Variants in SLIT2 observed in about 807,000 individuals in gnomAD.
SLIT2 encodes the protein slit homolog 2 protein.
In SLIT2, 41 loss-of-function variants were observed where a neutral mutation model predicts 185.7. The ratio of observed to expected loss-of-function variants is 0.22; its 90% CI spans 0.17 to 0.29. SLIT2 has a LOEUF of 0.29. SLIT2 is among the 10% of genes least tolerant of loss of function. The pLI is 1.00. For missense variants in SLIT2, 1,571 were observed against 1,909.0 expected (o/e 0.82, Z 3.30); for synonymous variants, 693 against 680.2 (o/e 1.02, Z -0.29).
intron 5 of SLIT2, among the ~76,000 whole-genome samples, chr4:20,477,902 G>T (rs570210348): frequency 1.3e-5 from 2 of 152,286 alleles, no homozygotes; most frequent in Admixed American, 6.5e-5. Context: ...TGTCACTAAA[G>T]GTATGGCAGA....
chr4:20,408,446 G>A (rs1181888419), intron 4 of SLIT2, among the ~76,000 whole-genome samples: 2 of 152,036 alleles, frequency 1.3e-5, no homozygotes, highest in African/African-American at 2.4e-5. Flanking sequence ...CTAGGTGAAA[G>A]CTTGAGAGTT....
At chr4:20,417,317 C>T (rs1308759578) in intron 4 of SLIT2, among the ~76,000 whole-genome samples, 1 of 151,438 alleles carries the variant, frequency 6.6e-6, no homozygotes, top group Non-Finnish European at 1.5e-5. Flanking sequence ...TAATGTATTT[C>T]CTACCCCTCT....
chr4:20,284,984 A>T (rs530730112), intron 4 of SLIT2, among the ~76,000 whole-genome samples: 1 of 152,320 alleles, frequency 6.6e-6, no homozygotes, highest in South Asian at 2.1e-4. Flanking sequence ...TTGCCATTCT[A>T]GGGCATGTAC....
intron 4 of SLIT2, among the ~76,000 whole-genome samples, chr4:20,452,621 CTT>C (rs1283950763): frequency 6.6e-6 from 1 of 152,056 alleles, no homozygotes; most frequent in Non-Finnish European, 1.5e-5. Flanking sequence ...TCTCTTTTGT[CTT>C]TTGTTTCCTA....
chr4:20,303,432 T>C (rs553875070), intron 4 of SLIT2, among the ~76,000 whole-genome samples: 2 of 152,226 alleles, frequency 1.3e-5, no homozygotes, highest in Non-Finnish European at 2.9e-5. Flanking sequence ...TCTGAGGTCT[T>C]AAAGCTAATA....
intron 5 of SLIT2, among the ~76,000 whole-genome samples, chr4:20,475,911 G>A (rs1224947623): frequency 1.3e-5 from 2 of 152,022 alleles, no homozygotes; most frequent in African/African-American, 4.8e-5. Context: ...TATAAAAACT[G>A]AAATTCTTTA....
chr4:20,554,763 GT>G (rs144729112), intron 26 of SLIT2, among the ~76,000 whole-genome samples: 6,240 of 146,288 alleles, frequency 0.043, 403 homozygotes, highest in African/African-American at 0.14. Context: ...CTTTTGTTTT[GT>G]TTTTTTTTTG....
intron 33 of SLIT2, among the ~76,000 whole-genome samples, chr4:20,606,514 T>C (rs1728809661): frequency 6.6e-6 from 1 of 151,988 alleles, no homozygotes; most frequent in African/African-American, 2.4e-5. Context: ...ATCATGAACT[T>C]TACTGTACTT....
chr4:20,312,641 C>T (rs181915091), intron 4 of SLIT2, among the ~76,000 whole-genome samples: 6 of 151,398 alleles, frequency 4.0e-5, no homozygotes, highest in East Asian at 1.9e-4. Context: ...GGTTTGTTGG[C>T]GCGCATCTGT....
chr4:20,288,799 C>T (rs1715525837), intron 4 of SLIT2, among the ~76,000 whole-genome samples: 1 of 152,164 alleles, frequency 6.6e-6, no homozygotes, highest in South Asian at 2.1e-4. Context: ...CTGTCAGTGT[C>T]CAAAGGCTTT....
At position 20,567,399 on chromosome 4, in the gene SLIT2, A is replaced by C. The variant is rs1483956538; in HGVS notation, c.2850+13A>C. The C allele has an allele frequency of 6.2e-7, 1 of 1,612,928 alleles. No individual in the cohort carries two copies. Among genetic ancestry groups the C allele is most frequent in the African/African-American group, 1.3e-5 (1 of 74,836 alleles). ...ATATGGTTTCAAGGTAAGTAAAAGC[A>C]CTTTAAGAGTCACAGTTTGAGAGCA... On this transcript the variant is annotated intron_variant, in intron 27 of 36. Transcript: ENST00000504154.
chr4:20,291,453 T>TC (rs1392984443), intron 4 of SLIT2, among the ~76,000 whole-genome samples: 1 of 33,444 alleles, frequency 3.0e-5, no homozygotes, highest in Non-Finnish European at 5.2e-5. Context: ...ACCTCATATA[T>TC]ATATATATAT....
At chr4:20,526,029 C>CTTAAA (rs1379407946) in intron 15 of SLIT2, among the ~76,000 whole-genome samples, 1 of 152,074 alleles carries the variant, frequency 6.6e-6, no homozygotes, top group African/African-American at 2.4e-5. Context: ...TTGTTTTAAA[C>CTTAAA]CATTATGTTA....
In SLIT2 at chr4:20,595,807, A is replaced by G; in HGVS notation, c.3293A>G (p.Tyr1098Cys). 6.2e-7 allele frequency: 1 copy of G among 1,614,130 alleles called. No homozygotes were observed. Among genetic ancestry groups the G allele is most frequent in the Non-Finnish European group, 8.5e-7 (1 of 1,179,968 alleles). Residue 1098 changes from tyrosine (Y) to cysteine (C), a missense_variant, in exon 31 of 37, where the codon TAT (tyrosine) becomes TGT (cysteine). By Grantham distance (194) the Tyr-to-Cys change is radical. Around this residue, in one of 3 missense-constraint regions of SLIT2, gnomAD observed 1,202 missense variants for 1,416.4 expected, o/e 0.85. Transcript: ENST00000504154. ...CACTGCACAGATGCAGTGAACGGCT[A>G]TACGTGCATATGCCCCGAAGGTTAC... ...GAHCTDAVNGYTCICPEGYSG... is the reference protein window; with the variant it reads ...GAHCTDAVNGCTCICPEGYSG...
At chr4:20,533,462 C>T in intron 17 of SLIT2, 110 bp from the exon 18 acceptor site, 1 of 729,450 alleles carries the variant, frequency 1.4e-6, no homozygotes, top group Non-Finnish European at 2.3e-6. Context: ...CAGTGCTGGG[C>T]AGTGAAAAGT....
intron 4 of SLIT2, among the ~76,000 whole-genome samples, chr4:20,463,999 G>T (rs1714072267): frequency 6.6e-6 from 1 of 151,714 alleles, no homozygotes; most frequent in Non-Finnish European, 1.5e-5. Flanking sequence ...TGACCTCTCT[G>T]TCCCTTACCT....
At chr4:20,440,241 T>C (rs1298692863) in intron 4 of SLIT2, among the ~76,000 whole-genome samples, 7 of 152,212 alleles carry the variant, frequency 4.6e-5, no homozygotes, top group Admixed American at 4.6e-4. Context: ...CTGTAGGGTT[T>C]CCAAATACAA....
chr4:20,589,527 G>C, intron 29 of SLIT2, 117 bp from the exon 30 acceptor site: 1 of 773,668 alleles, frequency 1.3e-6, no homozygotes, highest in Non-Finnish European at 2.2e-6. Flanking sequence ...TTTTTGCTTT[G>C]TTTTGTTTTA....
intron 4 of SLIT2, among the ~76,000 whole-genome samples, chr4:20,320,561 C>G (rs1253609703): frequency 1.3e-5 from 2 of 152,090 alleles, no homozygotes; most frequent in Non-Finnish European, 2.9e-5. Context: ...TTGTCATGTT[C>G]TCGTCACTGA....
Sources: gnomAD v4.1 joint callset for allele counts (sites outside exome capture counted in the v4.1 genomes callset) on GRCh38, gnomAD v4.1.1 for gene constraint, gnomAD v4.1.1 regional missense constraint, MANE v1.5 for transcripts, NCBI Gene and HGNC (gene_info 2026-07-23, HGNC 2026-07-21) for gene names.